Variants in FYN observed in about 807,000 individuals in gnomAD.
The protein encoded by FYN is tyrosine-protein kinase Fyn.
A neutral mutation model predicts 70.2 loss-of-function variants in FYN; 10 were observed. The ratio of observed to expected loss-of-function variants is 0.14; its 90% CI spans 0.09 to 0.24. The LOEUF is 0.24. FYN is among the 10% of genes least tolerant of loss of function. FYN has a pLI of 1.00. For synonymous variants in FYN, 236 were observed against 248.6 expected (o/e 0.95, Z 0.48); for missense variants, 319 against 673.1 (o/e 0.47, Z 5.82).
intron 3 of FYN, among the ~76,000 whole-genome samples, chr6:111,729,214 C>G (rs1433804479): frequency 6.6e-6 from 1 of 152,074 alleles, no homozygotes; most frequent in Admixed American, 6.5e-5. Flanking sequence ...TGGTTCACAC[C>G]TGTAATTCCA....
intron 3 of FYN, among the ~76,000 whole-genome samples, chr6:111,756,523 A>G (rs563036924): frequency 6.6e-6 from 1 of 152,288 alleles, no homozygotes; most frequent in East Asian, 1.9e-4. Context: ...GGTAGGAAAA[A>G]GGAAAATTAT....
At chr6:111,664,171 A>C (rs981061824) in intron 13 of FYN, among the ~76,000 whole-genome samples, 5 of 152,184 alleles carry the variant, frequency 3.3e-5, no homozygotes, top group African/African-American at 1.2e-4. Context: ...ATCTTTTAGT[A>C]CTGTCCTTGG....
At chr6:111,872,217 C>G (rs981824852) in intron 1 of FYN, among the ~76,000 whole-genome samples, 1 of 152,042 alleles carries the variant, frequency 6.6e-6, no homozygotes, top group Non-Finnish European at 1.5e-5. Flanking sequence ...GCCCAGTCCC[C>G]TCCGCCTGTG....
chr6:111,771,932 G>A (rs764204072), intron 3 of FYN, among the ~76,000 whole-genome samples: 1 of 152,104 alleles, frequency 6.6e-6, no homozygotes, highest in Non-Finnish European at 1.5e-5. Context: ...CTGTAGTAGT[G>A]GGGGCAGGGA....
At chr6:111,846,562 C>T (rs976056182) in intron 2 of FYN, 27 bp downstream of exon 2, 46 of 398,960 alleles carry the variant, frequency 1.2e-4, no homozygotes, top group Middle Eastern at 6.3e-4. Context: ...AAGGCACTTG[C>T]TCTCAGTGCA....
intron 10 of FYN, among the ~76,000 whole-genome samples, chr6:111,695,825 G>A (rs867973883): frequency 6.6e-6 from 1 of 152,266 alleles, no homozygotes; most frequent in Non-Finnish European, 1.5e-5. Context: ...ATCGCCTGAC[G>A]TTTAAGAAGA....
At chr6:111,825,739 A>G (rs1772812087) in intron 2 of FYN, among the ~76,000 whole-genome samples, 2 of 152,014 alleles carry the variant, frequency 1.3e-5, no homozygotes, top group African/African-American at 2.4e-5. Context: ...AAGGTGGGAG[A>G]GCAGGTGGGC....
intron 12 of FYN, among the ~76,000 whole-genome samples, chr6:111,691,485 T>C (rs1276825076): frequency 6.6e-6 from 1 of 152,162 alleles, no homozygotes; most frequent in African/African-American, 2.4e-5. Flanking sequence ...CAAATATTAT[T>C]AGGCATGCGG....
At chr6:111,791,488 T>C (rs554386286) in intron 2 of FYN, among the ~76,000 whole-genome samples, 3 of 152,260 alleles carry the variant, frequency 2.0e-5, no homozygotes, top group South Asian at 2.1e-4. Flanking sequence ...AGATGAGTTA[T>C]AGTGAATTAG....
At chr6:111,748,255 T>C (rs369482038) in intron 3 of FYN, among the ~76,000 whole-genome samples, 2 of 152,172 alleles carry the variant, frequency 1.3e-5, no homozygotes, top group East Asian at 3.8e-4. Flanking sequence ...GCACAAGACA[T>C]CTCATAAATA....
intron 6 of FYN, among the ~76,000 whole-genome samples, 179 bp downstream of exon 6, chr6:111,707,743 A>C (rs540803779): frequency 1.3e-5 from 2 of 152,382 alleles, no homozygotes; most frequent in South Asian, 4.1e-4. Context: ...CAAGAGAAAC[A>C]TTAAGTTAAT....
chr6:111,799,936 G>T (rs1562526058), intron 2 of FYN, among the ~76,000 whole-genome samples: 1 of 152,240 alleles, frequency 6.6e-6, no homozygotes, highest in Non-Finnish European at 1.5e-5. Context: ...AAACCTCGCA[G>T]CTTCCCACCC....
intron 12 of FYN, among the ~76,000 whole-genome samples, chr6:111,680,819 C>T (rs758461730): frequency 2.6e-5 from 4 of 152,120 alleles, no homozygotes; most frequent in Non-Finnish European, 4.4e-5. Context: ...TATTCCAACC[C>T]GCAAAGCTCA....
chr6:111,734,265 G>A (rs955718551), intron 3 of FYN, among the ~76,000 whole-genome samples: 2 of 152,258 alleles, frequency 1.3e-5, no homozygotes, highest in South Asian at 2.1e-4. Flanking sequence ...CAGGAATTAT[G>A]AGGACTCATG....
intron 1 of FYN, among the ~76,000 whole-genome samples, chr6:111,853,863 C>T (rs1583495678): frequency 1.3e-5 from 2 of 152,262 alleles, no homozygotes; most frequent in East Asian, 3.9e-4. Context: ...AAGTGATCCT[C>T]CTGCTTTGTC....
intron 3 of FYN, among the ~76,000 whole-genome samples, chr6:111,764,738 C>T (rs533611570): frequency 1.1e-4 from 17 of 152,186 alleles, no homozygotes; most frequent in African/African-American, 2.9e-4. Context: ...TCCTTTAGTG[C>T]TTTCAGAATT....
chr6:111,800,954 A>T (rs2128519664), intron 2 of FYN, among the ~76,000 whole-genome samples: 1 of 152,352 alleles, frequency 6.6e-6, no homozygotes, highest in South Asian at 2.1e-4. Context: ...CTAAAAGTCT[A>T]ATCACTATTT....
chr6:111,745,366 C>T (rs1802160701), intron 3 of FYN, among the ~76,000 whole-genome samples: 1 of 152,192 alleles, frequency 6.6e-6, no homozygotes, highest in Admixed American at 6.5e-5. Context: ...ACTCATCCCT[C>T]CTGCAAAAGC....
intron 12 of FYN, among the ~76,000 whole-genome samples, chr6:111,682,870 T>C (rs1046468432): frequency 1.3e-5 from 2 of 152,196 alleles, no homozygotes; most frequent in Non-Finnish European, 2.9e-5. Context: ...CAGCACAGCG[T>C]CTGGTACCTG....
Sources: allele counts gnomAD v4.1 joint callset (sites outside exome capture counted in the v4.1 genomes callset), GRCh38; gene constraint gnomAD v4.1.1; transcripts MANE v1.5; gene names NCBI Gene and HGNC (gene_info 2026-07-23, HGNC 2026-07-21).